PCDH15: variants seen among roughly 807,000 people sequenced by gnomAD.
The protein encoded by PCDH15 is protocadherin-15.
Under a neutral mutation model 178.5 loss-of-function variants are expected in PCDH15, and 129 were observed. That is an observed-to-expected ratio of 0.72 (90% CI 0.63 to 0.84). The LOEUF (loss-of-function observed/expected upper bound fraction) is 0.84, where lower values mean the gene tolerates loss of function less well. Ranked by LOEUF, PCDH15 falls within the 40% of genes least tolerant of loss-of-function variation. The probability of loss-of-function intolerance (pLI) is 0.00; values close to 1 mark genes in which losing one functional copy is unlikely to be tolerated. For missense variants in PCDH15, 2,230 were observed against 2,099.9 expected (o/e 1.06, Z -1.21); for synonymous variants, 800 against 732.0 (o/e 1.09, Z -1.50).
At chr10:55,089,577 C>A (rs1031422761) in intron 2 of PCDH15, among the ~76,000 whole-genome samples, 1 of 151,992 alleles carries the variant, frequency 6.6e-6, no homozygotes, top group African/African-American at 2.4e-5. Flanking sequence ...CTAAAATAAA[C>A]AAATTCCGCT....
intron 2 of PCDH15, among the ~76,000 whole-genome samples, chr10:55,077,398 TCTTC>T (rs58045517): frequency 0.012 from 1,688 of 137,572 alleles, 14 homozygotes; most frequent in Middle Eastern, 0.028. Context: ...TGGTTTTCTC[TCTTC>T]CTTCCTTCCT....
chr10:53,812,251 A>G (rs2075893139), intron 35 of PCDH15, among the ~76,000 whole-genome samples: 1 of 152,218 alleles, frequency 6.6e-6, no homozygotes, highest in Non-Finnish European at 1.5e-5. Context: ...TGAGTCGCCC[A>G]GGCTGGAGTG....
chr10:54,886,206 T>G (rs1457441484), intron 3 of PCDH15, among the ~76,000 whole-genome samples: 1 of 149,230 alleles, frequency 6.7e-6, no homozygotes, highest in Admixed American at 6.6e-5. Flanking sequence ...TAATTTATAG[T>G]TAATAATAGG....
chr10:54,447,264 T>C (rs1207344141), intron 3 of PCDH15, among the ~76,000 whole-genome samples: 3 of 151,622 alleles, frequency 2.0e-5, no homozygotes, highest in East Asian at 3.9e-4. Context: ...ATCTACTCCA[T>C]TGGCAATTTT....
At chr10:53,936,839 G>A (rs2085619704) in intron 25 of PCDH15, among the ~76,000 whole-genome samples, 1 of 152,050 alleles carries the variant, frequency 6.6e-6, no homozygotes, top group Non-Finnish European at 1.5e-5. Context: ...CTGCTGCAGA[G>A]ATGAATATTT....
chr10:54,135,022 G>T (rs2042783827), intron 14 of PCDH15, among the ~76,000 whole-genome samples: 1 of 151,350 alleles, frequency 6.6e-6, no homozygotes, highest in African/African-American at 2.4e-5. Context: ...TGACCAACAT[G>T]GAGAAACCCC....
At chr10:54,966,085 A>G (rs543887786) in intron 2 of PCDH15, among the ~76,000 whole-genome samples, 7 of 151,990 alleles carry the variant, frequency 4.6e-5, no homozygotes, top group Non-Finnish European at 1.0e-4. Context: ...ATCATACAGA[A>G]TATTCTATAG....
chr10:54,310,803 C>A (rs1221521409), intron 8 of PCDH15, among the ~76,000 whole-genome samples: 2 of 151,734 alleles, frequency 1.3e-5, no homozygotes, highest in Non-Finnish European at 1.5e-5. Context: ...AAAATTTAAT[C>A]ATAATTTTAA....
chr10:54,442,522 T>C (rs1455108191), intron 3 of PCDH15, among the ~76,000 whole-genome samples: 1 of 141,054 alleles, frequency 7.1e-6, no homozygotes, highest in Non-Finnish European at 1.5e-5. Context: ...TCTGCACATA[T>C]ACAACTCCAC....
intron 3 of PCDH15, among the ~76,000 whole-genome samples, chr10:54,482,547 A>G (rs1406726881): frequency 2.0e-5 from 3 of 151,778 alleles, no homozygotes; most frequent in Non-Finnish European, 4.4e-5. Flanking sequence ...AATTGTGTCA[A>G]TAATAAGCAA....
intron 2 of PCDH15, among the ~76,000 whole-genome samples, chr10:54,538,842 C>T (rs1303435515): frequency 6.6e-6 from 1 of 152,160 alleles, no homozygotes; most frequent in Non-Finnish European, 1.5e-5. Flanking sequence ...TTATAAATTA[C>T]CCAGTCTCAG....
At chr10:55,498,386 A>C (rs1840583107) in intron 2 of PCDH15, among the ~76,000 whole-genome samples, 1 of 151,908 alleles carries the variant, frequency 6.6e-6, no homozygotes, top group Non-Finnish European at 1.5e-5. Flanking sequence ...TGCACCCAAC[A>C]AAAGCAAATC....
intron 1 of PCDH15, among the ~76,000 whole-genome samples, chr10:54,761,378 A>G (rs372786819): frequency 1.2e-4 from 19 of 152,168 alleles, no homozygotes; most frequent in East Asian, 9.7e-4. Context: ...TTTTGAAACC[A>G]ATGGATTAAG....
chr10:54,261,754 A>G (rs1323223141), intron 8 of PCDH15, among the ~76,000 whole-genome samples: 1 of 152,192 alleles, frequency 6.6e-6, no homozygotes, highest in African/African-American at 2.4e-5. Flanking sequence ...AGGAGGAAGC[A>G]CAGAAAGTAA....
chr10:55,515,881 G>T (rs1318245968), intron 2 of PCDH15, among the ~76,000 whole-genome samples: 1 of 152,012 alleles, frequency 6.6e-6, no homozygotes, highest in East Asian at 1.9e-4. Flanking sequence ...CTTTCAAAAA[G>T]AATTTTCAAA....
At chr10:54,987,929 T>G (rs1839412032) in intron 2 of PCDH15, among the ~76,000 whole-genome samples, 1 of 152,202 alleles carries the variant, frequency 6.6e-6, no homozygotes, top group Admixed American at 6.5e-5. Flanking sequence ...TGTCATAAAG[T>G]CTTTGCCCGT....
At chr10:55,187,850 G>T (rs1381089264) in intron 1 of PCDH15, among the ~76,000 whole-genome samples, 1 of 151,904 alleles carries the variant, frequency 6.6e-6, no homozygotes, top group Non-Finnish European at 1.5e-5. Flanking sequence ...ATTCCAGATG[G>T]AAAGTCATCA....
chr10:55,200,843 T>C (rs1222060835), intron 1 of PCDH15, among the ~76,000 whole-genome samples: 1 of 152,074 alleles, frequency 6.6e-6, no homozygotes, highest in African/African-American at 2.4e-5. Context: ...TGTTAAGGTA[T>C]GTGGGCTTCC....
chr10:53,870,059 A>G (rs1159327295), intron 26 of PCDH15, among the ~76,000 whole-genome samples: 1 of 152,210 alleles, frequency 6.6e-6, no homozygotes, highest in Admixed American at 6.5e-5. Flanking sequence ...CCATAAAATC[A>G]CCACAGTGAT....
Sources: allele counts gnomAD v4.1 joint callset (sites outside exome capture counted in the v4.1 genomes callset), GRCh38; gene constraint gnomAD v4.1.1; transcripts MANE v1.5; gene names NCBI Gene and HGNC (gene_info 2026-07-23, HGNC 2026-07-21).